MGAT4C: variants seen among roughly 807,000 people sequenced by gnomAD.
MGAT4C encodes the protein alpha-1,3-mannosyl-glycoprotein 4-beta-N-acetylglucosaminyltransferase C.
A neutral mutation model predicts 40.1 loss-of-function variants in MGAT4C; 19 were observed. The ratio of observed to expected loss-of-function variants is 0.47; its 90% CI spans 0.33 to 0.70. The LOEUF (loss-of-function observed/expected upper bound fraction) is 0.70. Ranked by LOEUF, MGAT4C falls within the 30% of genes least tolerant of loss-of-function variation. The probability of loss-of-function intolerance (pLI) is 0.02; values close to 1 mark genes in which losing one functional copy is unlikely to be tolerated. For synonymous variants in MGAT4C, 181 were observed against 187.1 expected (o/e 0.97, Z 0.27); for missense variants, 491 against 563.2 (o/e 0.87, Z 1.30).
chr12:86,558,150 T>C (rs1959698612), intron 2 of MGAT4C, among the ~76,000 whole-genome samples: 1 of 152,008 alleles, frequency 6.6e-6, no homozygotes, highest in African/African-American at 2.4e-5. Context: ...AGTTTTTTAA[T>C]AACACCATCA....
intron 2 of MGAT4C, among the ~76,000 whole-genome samples, chr12:86,520,434 C>T (rs1420703476): frequency 6.6e-6 from 1 of 152,110 alleles, no homozygotes; most frequent in Non-Finnish European, 1.5e-5. Context: ...GTATCTAACT[C>T]ATGATGTATA....
At chr12:86,127,374 TATC>T (rs1880457805) in intron 1 of MGAT4C, among the ~76,000 whole-genome samples, 1 of 152,172 alleles carries the variant, frequency 6.6e-6, no homozygotes, top group South Asian at 2.1e-4. Context: ...TTTGGGCACT[TATC>T]ATAAATTAAC....
Position 85,966,383 on chromosome 12 carries a change from A to C in MGAT4C, c.*12906T>G, listed in dbSNP as rs1883368836. On this transcript the variant is annotated 3_prime_UTR_variant, in exon 5 of 5. Transcript: ENST00000611864. ...TACTTTGAAACTTTGGAGGTTTTATAAAAATTATGAGTATTTAATCAAAGT... is the reference window on the plus strand; with the variant it reads ...TACTTTGAAACTTTGGAGGTTTTATCAAAATTATGAGTATTTAATCAAAGT... 6.6e-6 allele frequency: 1 copy of C among 152,128 alleles called. No homozygotes were observed. Among genetic ancestry groups the C allele is most frequent in the Non-Finnish European group, 1.5e-5 (1 of 68,024 alleles). 9.4% of individuals were successfully genotyped at this position (152,128 alleles called of 1,614,324 possible). A position where few individuals can be genotyped will look rare whatever the true frequency, so the allele number is the denominator to read the frequency against.
chr12:86,496,747 G>C (rs531519829), intron 2 of MGAT4C, among the ~76,000 whole-genome samples: 7 of 152,020 alleles, frequency 4.6e-5, no homozygotes, highest in African/African-American at 1.7e-4. Context: ...TCTATAATTG[G>C]CTCAGTGTAA....
At chr12:86,714,589 C>T (rs148587687) in intron 2 of MGAT4C, among the ~76,000 whole-genome samples, 1 of 152,086 alleles carries the variant, frequency 6.6e-6, no homozygotes, top group African/African-American at 2.4e-5. Context: ...TTGCTCTTTG[C>T]CTGCCACCAT....
Position 86,447,570 on chromosome 12 carries a change from C to T in MGAT4C, c.-228-12305G>A, listed in dbSNP as rs922001403. Among the ~76,000 whole-genome samples the T allele has an allele frequency of 3.3e-5, 5 of 151,854 alleles. No homozygotes were observed. The South Asian group carries it at 8.3e-4, about 25-fold the overall frequency. On this transcript the variant is annotated intron_variant, in intron 2 of 7. Transcript: ENST00000548651. ...AGTTTTTTTTTAACTTTTTTTTACTCTCTACATAGACAGTAAAATAAGTTA... is the reference window on the plus strand; with the variant it reads ...AGTTTTTTTTTAACTTTTTTTTACTTTCTACATAGACAGTAAAATAAGTTA...
intron 2 of MGAT4C, among the ~76,000 whole-genome samples, chr12:86,617,702 GA>G (rs34380578): frequency 4.2e-4 from 54 of 129,624 alleles, no homozygotes; most frequent in Middle Eastern, 3.9e-3. Context: ...AAAAATAATT[GA>G]AAAAAAAAAA....
At chr12:86,201,614 T>C (rs1191953091) in intron 1 of MGAT4C, among the ~76,000 whole-genome samples, 2 of 151,610 alleles carry the variant, frequency 1.3e-5, no homozygotes, top group African/African-American at 2.4e-5. Context: ...CCTCCAAATT[T>C]ATGGTTGCTT....
At chr12:86,045,768 T>C (rs917361923) in intron 2 of MGAT4C, among the ~76,000 whole-genome samples, 12 of 152,240 alleles carry the variant, frequency 7.9e-5, no homozygotes, top group African/African-American at 2.9e-4. Flanking sequence ...AGTGAATTAA[T>C]GACAGCATAT....
intron 2 of MGAT4C, among the ~76,000 whole-genome samples, chr12:86,509,071 C>A (rs1037784265): frequency 1.3e-5 from 2 of 151,912 alleles, no homozygotes; most frequent in Non-Finnish European, 2.9e-5. Flanking sequence ...TTAATTAGAT[C>A]CCATTTGTCA....
chr12:86,344,163 T>C (rs1954964514), intron 3 of MGAT4C, among the ~76,000 whole-genome samples: 1 of 152,152 alleles, frequency 6.6e-6, no homozygotes, highest in Non-Finnish European at 1.5e-5. Flanking sequence ...TTCAGAAACA[T>C]TGAATAAATG....
chr12:86,209,991 T>C (rs1392211227), intron 1 of MGAT4C, among the ~76,000 whole-genome samples: 1 of 152,182 alleles, frequency 6.6e-6, no homozygotes, highest in African/African-American at 2.4e-5. Context: ...TTATACAGAT[T>C]ATGTTTCCAT....
In MGAT4C at chr12:86,614,330, A is replaced by C. The variant is rs1442447847; in HGVS notation, c.-229+112879T>G. 2.0e-5 allele frequency among the ~76,000 whole-genome samples: 3 copies of C among 152,160 alleles called. No individual in the cohort carries two copies. The East Asian group carries it at 5.8e-4, about 29-fold the overall frequency. Reference sequence around the variant, plus strand: ...TGCAGCATGACATTTGTTTCAATAGAACATAGCACTTTGAGAGGTGAAAGC... The same window carrying C: ...TGCAGCATGACATTTGTTTCAATAGCACATAGCACTTTGAGAGGTGAAAGC... On this transcript the variant is annotated intron_variant, in intron 2 of 7. Transcript: ENST00000548651.
intron 1 of MGAT4C, among the ~76,000 whole-genome samples, chr12:86,140,244 TC>T (rs1323705771): frequency 1.3e-5 from 2 of 152,152 alleles, no homozygotes; most frequent in Non-Finnish European, 2.9e-5. Flanking sequence ...ATTGATTAAC[TC>T]CCCTCATATT....
intron 1 of MGAT4C, among the ~76,000 whole-genome samples, chr12:86,826,805 G>A (rs1437533172): frequency 6.6e-6 from 1 of 150,958 alleles, no homozygotes; most frequent in African/African-American, 2.4e-5. Context: ...AATGGGGGGA[G>A]GTTCCACCAA....
intron 1 of MGAT4C, among the ~76,000 whole-genome samples, chr12:86,207,110 T>C (rs76615585): frequency 5.2e-4 from 32 of 61,932 alleles, no homozygotes; most frequent in East Asian, 8.0e-4. Flanking sequence ...CCCTTTTTTT[T>C]CTTTTTTTTT....
chr12:86,501,547 A>G (rs947064470), intron 2 of MGAT4C, among the ~76,000 whole-genome samples: 3 of 122,652 alleles, frequency 2.4e-5, no homozygotes, highest in East Asian at 4.8e-4. Flanking sequence ...TGTCATGTCC[A>G]TGTGTTCTCA....
chr12:85,998,587 T>C (rs1886920224), intron 2 of MGAT4C, among the ~76,000 whole-genome samples: 1 of 152,200 alleles, frequency 6.6e-6, no homozygotes, highest in Non-Finnish European at 1.5e-5. Flanking sequence ...CTAAATCATC[T>C]TTCTCAAGTT....
intron 1 of MGAT4C, among the ~76,000 whole-genome samples, chr12:86,809,680 C>T (rs1952433038): frequency 6.6e-6 from 1 of 151,868 alleles, no homozygotes; most frequent in Non-Finnish European, 1.5e-5. Context: ...ATATCCTCTT[C>T]ATAATTTGGG....
Sources: allele counts gnomAD v4.1 joint callset (sites outside exome capture counted in the v4.1 genomes callset), GRCh38; gene constraint gnomAD v4.1.1; transcripts MANE v1.5; gene names NCBI Gene and HGNC (gene_info 2026-07-23, HGNC 2026-07-21).